Variants in OPCML observed in about 807,000 individuals in gnomAD.
OPCML encodes the protein opioid binding protein/cell adhesion molecule like.
OPCML carries 13 observed loss-of-function variants against 37.8 expected under a neutral mutation model. That is an observed-to-expected ratio of 0.34 (90% CI 0.22 to 0.55). The LOEUF is 0.55. OPCML is among the 20% of genes least tolerant of loss of function. The pLI, the probability that OPCML is intolerant of heterozygous loss-of-function variation, is 0.91. For synonymous variants in OPCML, 176 were observed against 168.8 expected, an observed-to-expected ratio of 1.04 and a Z score of -0.33; for missense variants, 341 against 435.6, an observed-to-expected ratio of 0.78 and a Z score of 1.93.
chr11:132,910,963 A>G (rs1369988766), intron 2 of OPCML, among the ~76,000 whole-genome samples: 1 of 152,230 alleles, frequency 6.6e-6, no homozygotes, highest in Non-Finnish European at 1.5e-5. Flanking sequence ...GGGTGAAAAG[A>G]ATGATGGAGA....
At chr11:132,671,187 C>T (rs1206034955) in intron 2 of OPCML, among the ~76,000 whole-genome samples, 1 of 152,144 alleles carries the variant, frequency 6.6e-6, no homozygotes, top group East Asian at 1.9e-4. Context: ...CTTCACCGTT[C>T]CTACAGCATT....
At chr11:132,620,768 G>GT (rs1204402509) in intron 3 of OPCML, among the ~76,000 whole-genome samples, 1 of 152,328 alleles carries the variant, frequency 6.6e-6, no homozygotes, top group Middle Eastern at 3.4e-3. Flanking sequence ...TTCCTTTGGT[G>GT]TAAGTTTGCT....
At chr11:133,009,445 C>T (rs1479512414) in intron 1 of OPCML, among the ~76,000 whole-genome samples, 3 of 152,152 alleles carry the variant, frequency 2.0e-5, no homozygotes, top group Admixed American at 6.6e-5. Context: ...CAAGATTGAT[C>T]GACCTAACTT....
At chr11:132,553,288 C>G (rs186669182) in intron 3 of OPCML, among the ~76,000 whole-genome samples, 1 of 152,200 alleles carries the variant, frequency 6.6e-6, no homozygotes, top group African/African-American at 2.4e-5. Context: ...TGGATCAGAA[C>G]TGAATGGTGG....
intron 3 of OPCML, among the ~76,000 whole-genome samples, chr11:132,646,791 T>C (rs971510625): frequency 1.3e-5 from 2 of 152,130 alleles, no homozygotes; most frequent in Non-Finnish European, 2.9e-5. Context: ...GAGTGGAACA[T>C]GTTAAGATTC....
intron 1 of OPCML, among the ~76,000 whole-genome samples, chr11:133,041,984 C>T (rs1229683524): frequency 6.6e-6 from 1 of 152,170 alleles, no homozygotes; most frequent in Non-Finnish European, 1.5e-5. Flanking sequence ...GTCCTGTTGG[C>T]AAACGACCTT....
chr11:133,429,273 G>C (rs1231105256), intron 1 of OPCML, among the ~76,000 whole-genome samples: 1 of 152,220 alleles, frequency 6.6e-6, no homozygotes, highest in Non-Finnish European at 1.5e-5. Flanking sequence ...GTGTTCAAGA[G>C]AGATGAAGGA....
chr11:132,710,699 A>C (rs1944226275), intron 2 of OPCML, among the ~76,000 whole-genome samples: 1 of 151,784 alleles, frequency 6.6e-6, no homozygotes, highest in Admixed American at 6.6e-5. Flanking sequence ...AAAAAAAAAA[A>C]AAAAAATTAG....
rs144303765 is a variant in OPCML, at chr11:132,846,945, G to A, written c.146+95981C>T. Among the ~76,000 whole-genome samples the A allele has an allele frequency of 5.1e-3, 770 of 152,336 alleles. 3 individuals are homozygous for A. Among genetic ancestry groups the A allele is most frequent in the Non-Finnish European group, 7.5e-3 (508 of 68,030 alleles). On this transcript the variant is annotated intron_variant, in intron 2 of 7. Coordinates refer to ENST00000524381, the MANE Select transcript of OPCML (RefSeq NM_001012393.5). ...TGTAATATAAGGTCCCCCCAGTGGAGTCTAATTCTCCTTCTTGACAGATTA... is the reference window on the plus strand; with the variant it reads ...TGTAATATAAGGTCCCCCCAGTGGAATCTAATTCTCCTTCTTGACAGATTA...
intron 2 of OPCML, among the ~76,000 whole-genome samples, chr11:132,914,143 A>G (rs569349238): frequency 7.9e-5 from 12 of 152,338 alleles, no homozygotes; most frequent in Non-Finnish European, 4.4e-5. Context: ...GTGCTGACAC[A>G]CATTCCCTGC....
intron 2 of OPCML, among the ~76,000 whole-genome samples, chr11:132,752,365 C>A (rs2136072364): frequency 6.6e-6 from 1 of 152,172 alleles, no homozygotes; most frequent in East Asian, 1.9e-4. Context: ...TGTCTGAAAC[C>A]TTAGTTCCAG....
At chr11:132,800,815 A>T (rs1202054228) in intron 2 of OPCML, among the ~76,000 whole-genome samples, 2 of 152,124 alleles carry the variant, frequency 1.3e-5, no homozygotes, top group East Asian at 3.9e-4. Flanking sequence ...TTGCATTTTT[A>T]AAAGTTTCTG....
intron 3 of OPCML, among the ~76,000 whole-genome samples, chr11:132,536,350 G>T (rs1162500538): frequency 6.6e-6 from 1 of 152,172 alleles, no homozygotes; most frequent in African/African-American, 2.4e-5. Flanking sequence ...GCTAAGGTTT[G>T]AACACAATTT....
intron 1 of OPCML, among the ~76,000 whole-genome samples, chr11:133,031,766 G>GA (rs536167593): frequency 6.7e-6 from 1 of 149,142 alleles, no homozygotes; most frequent in Non-Finnish European, 1.5e-5. Flanking sequence ...CAGTATGACA[G>GA]AAAAAAAATT....
chr11:132,944,821 G>T (rs912841242), intron 1 of OPCML, among the ~76,000 whole-genome samples: 2 of 152,160 alleles, frequency 1.3e-5, no homozygotes, highest in African/African-American at 4.8e-5. Flanking sequence ...AAGCCTCCCC[G>T]TTGTATTCTA....
At chr11:133,245,453 G>T (rs1565526859) in intron 1 of OPCML, among the ~76,000 whole-genome samples, 1 of 152,254 alleles carries the variant, frequency 6.6e-6, no homozygotes, top group East Asian at 1.9e-4. Flanking sequence ...GGTGAGAGAA[G>T]CCATCTGGGA....
At chr11:132,482,178 C>G (rs1454647737) in intron 4 of OPCML, among the ~76,000 whole-genome samples, 1 of 149,392 alleles carries the variant, frequency 6.7e-6, no homozygotes, top group Non-Finnish European at 1.5e-5. Context: ...GCTAGCAAGA[C>G]TAATAAAGAA....
intron 1 of OPCML, among the ~76,000 whole-genome samples, chr11:133,190,454 C>T (rs1371754417): frequency 6.6e-5 from 10 of 152,180 alleles, no homozygotes; most frequent in African/African-American, 2.4e-4. Context: ...TTTCCTCTTT[C>T]TTTCCTGACA....
intron 4 of OPCML, among the ~76,000 whole-genome samples, chr11:132,502,846 TAAC>T (rs2096248521): frequency 6.6e-6 from 1 of 152,188 alleles, no homozygotes; most frequent in Admixed American, 6.5e-5. Context: ...CGCCTTGGCT[TAAC>T]AATCCTCTCT....
Sources: gnomAD v4.1 joint callset for allele counts (sites outside exome capture counted in the v4.1 genomes callset) on GRCh38, gnomAD v4.1.1 for gene constraint, MANE v1.5 for transcripts, NCBI Gene and HGNC (gene_info 2026-07-23, HGNC 2026-07-21) for gene names.